SEC63: variants seen among roughly 807,000 people sequenced by gnomAD.
SEC63 encodes the protein translocation protein SEC63 homolog.
A neutral mutation model predicts 116.2 loss-of-function variants in SEC63; 56 were observed. The ratio of observed to expected loss-of-function variants is 0.48; its 90% CI spans 0.39 to 0.60. The LOEUF is 0.60. Ranked by LOEUF, SEC63 falls within the 20% of genes least tolerant of loss-of-function variation. The pLI, the probability that SEC63 is intolerant of heterozygous loss-of-function variation, is 0.00. For missense variants in SEC63, 668 were observed against 900.0 expected, an observed-to-expected ratio of 0.74 and a Z score of 3.30; for synonymous variants, 273 against 294.6, an observed-to-expected ratio of 0.93 and a Z score of 0.75.
At chr6:107,911,598 A>G (rs1288197060) in intron 6 of SEC63, among the ~76,000 whole-genome samples, 1 of 152,176 alleles carries the variant, frequency 6.6e-6, no homozygotes, top group Admixed American at 6.5e-5. Context: ...TGCAGTACAC[A>G]TGGGTTACAT....
intron 13 of SEC63, among the ~76,000 whole-genome samples, chr6:107,899,493 A>T (rs1234998802): frequency 1.3e-5 from 2 of 152,142 alleles, no homozygotes; most frequent in Non-Finnish European, 2.9e-5. Flanking sequence ...AGGTGGGTGA[A>T]TCACCTGAGG....
intron 1 of SEC63, among the ~76,000 whole-genome samples, chr6:107,930,723 C>T (rs922026780): frequency 4.0e-5 from 6 of 151,252 alleles, no homozygotes; most frequent in South Asian, 4.2e-4. Context: ...GGTCAGGCAC[C>T]GTGGCTCACC....
chr6:107,930,783 T>G (rs1178933676), intron 1 of SEC63, among the ~76,000 whole-genome samples: 1 of 147,216 alleles, frequency 6.8e-6, no homozygotes, highest in Non-Finnish European at 1.5e-5. Context: ...TCACCTGAGG[T>G]CAGAAGTTAA....
At chr6:107,905,849 A>C (rs1206373546) in intron 10 of SEC63, among the ~76,000 whole-genome samples, 1 of 60,108 alleles carries the variant, frequency 1.7e-5, no homozygotes, top group Non-Finnish European at 5.3e-5. Flanking sequence ...AACACTTGCC[A>C]AAACGTCTGA....
intron 19 of SEC63, among the ~76,000 whole-genome samples, chr6:107,874,936 G>C (rs1227361086): frequency 6.6e-6 from 1 of 152,338 alleles, no homozygotes; most frequent in East Asian, 1.9e-4. Context: ...TCTGAATACA[G>C]ACTGCGTATT....
intron 10 of SEC63, among the ~76,000 whole-genome samples, 154 bp downstream of exon 10, chr6:107,906,294 A>G (rs760034301): frequency 3.6e-4 from 55 of 152,350 alleles, no homozygotes; most frequent in Non-Finnish European, 1.3e-4. Context: ...CCATCAGAAC[A>G]ATGAGCCAAT....
At chr6:107,941,759 T>TAGAG (rs1023015677) in intron 1 of SEC63, among the ~76,000 whole-genome samples, 1 of 152,216 alleles carries the variant, frequency 6.6e-6, no homozygotes, top group Admixed American at 6.5e-5. Flanking sequence ...TTCACTCAAT[T>TAGAG]AGAGGGCTGC....
intron 18 of SEC63, among the ~76,000 whole-genome samples, chr6:107,879,039 A>G (rs796666678): frequency 1.1e-4 from 17 of 152,330 alleles, no homozygotes; most frequent in African/African-American, 3.6e-4. Flanking sequence ...CAATAGACGA[A>G]TTTCACTAAC....
intron 3 of SEC63, among the ~76,000 whole-genome samples, chr6:107,924,452 C>T (rs1434751809): frequency 6.9e-6 from 1 of 145,962 alleles, no homozygotes; most frequent in African/African-American, 2.6e-5. Context: ...ATGGCGGGCG[C>T]CTACCTGGGA....
At chr6:107,948,824 C>A (rs1435237090) in intron 1 of SEC63, among the ~76,000 whole-genome samples, 2 of 152,188 alleles carry the variant, frequency 1.3e-5, no homozygotes, top group East Asian at 3.8e-4. Flanking sequence ...AGACCCTTCA[C>A]AAGATAATGT....
intron 19 of SEC63, among the ~76,000 whole-genome samples, chr6:107,874,430 T>TA (rs1038039301): frequency 1.3e-5 from 2 of 151,564 alleles, no homozygotes; most frequent in African/African-American, 4.8e-5. Flanking sequence ...CCGTCTCTAC[T>TA]AAAAAAATAT....
At chr6:107,880,807 A>G (rs1046719514) in intron 18 of SEC63, among the ~76,000 whole-genome samples, 15 of 152,182 alleles carry the variant, frequency 9.9e-5, no homozygotes, top group Non-Finnish European at 7.4e-5. Flanking sequence ...CATAATAGTT[A>G]AGTATTCAAA....
At chr6:107,957,773 C>G in intron 1 of SEC63, 113 bp downstream of exon 1, 1 of 1,172,254 alleles carries the variant, frequency 8.5e-7, no homozygotes, top group Non-Finnish European at 1.1e-6. Context: ...CGGGCCGCAC[C>G]GTCCCTGTCA....
chr6:107,897,859 T>C lies in SEC63; in HGVS notation c.1358-128A>G, dbSNP rs9373986. The C allele has an allele frequency of 0.12, 80,484 of 699,750 alleles. 5,112 individuals are homozygous for C. The highest frequency in any genetic ancestry group is 0.23 in the East Asian group (8,795 of 37,428). The allele number at this position is 699,750 out of a possible 1,614,324, so 43.3% of individuals were successfully genotyped here. On this transcript the variant is annotated intron_variant, in intron 13 of 20. Coordinates refer to ENST00000369002, the MANE Select transcript of SEC63 (RefSeq NM_007214.5). ...ATTTCAAGCATATTATATTTTAAATTTGTTAAAAAAATAACTGATTGACTA... is the reference window on the plus strand; with the variant it reads ...ATTTCAAGCATATTATATTTTAAATCTGTTAAAAAAATAACTGATTGACTA...
In SEC63 at chr6:107,893,518, T is replaced by C. The variant is rs1222595204; in HGVS notation, c.1638A>G (p.Gln546=). ...CTCCATTTGCCTGCTTTTGTTTCTG[T>C]TGCTTTGACTGTGGTAATAGCACAG... The part of the protein sequence containing the change: ...PTPVLLPQSK[Q]QKQKQANGVV... The change falls in exon 16 of 21, where the codon CAA becomes CAG. Residue 546 remains glutamine (Q), a synonymous_variant. Coordinates refer to ENST00000369002, the MANE Select transcript of SEC63 (RefSeq NM_007214.5). The C allele has an allele frequency of 5.6e-6, 9 of 1,613,434 alleles. No homozygotes were observed. The highest frequency in any genetic ancestry group is 7.6e-6 in the Non-Finnish European group (9 of 1,179,944).
chr6:107,925,078 C>T (rs931703373), intron 2 of SEC63, 146 bp from the exon 3 acceptor site: 1 of 683,932 alleles, frequency 1.5e-6, no homozygotes, highest in African/African-American at 1.8e-5. Flanking sequence ...GGGTTACAAA[C>T]TCCTGTTACA....
At chr6:107,896,425 C>G (rs1786831636) in intron 14 of SEC63, among the ~76,000 whole-genome samples, 1 of 152,072 alleles carries the variant, frequency 6.6e-6, no homozygotes. Context: ...AAGATTGCAC[C>G]ACTGCATTCC....
intron 4 of SEC63, among the ~76,000 whole-genome samples, chr6:107,914,410 A>G (rs189210300): frequency 6.6e-6 from 1 of 152,298 alleles, no homozygotes; most frequent in Admixed American, 6.5e-5. Flanking sequence ...CAAAACTCCA[A>G]TCTGAGATAG....
At chr6:107,935,968 T>C (rs1252514640) in intron 1 of SEC63, among the ~76,000 whole-genome samples, 1 of 152,224 alleles carries the variant, frequency 6.6e-6, no homozygotes, top group Non-Finnish European at 1.5e-5. Context: ...GAGAACACTT[T>C]TGAAAATACC....
Sources: gnomAD v4.1 joint callset for allele counts (sites outside exome capture counted in the v4.1 genomes callset) on GRCh38, gnomAD v4.1.1 for gene constraint, MANE v1.5 for transcripts, NCBI Gene and HGNC (gene_info 2026-07-23, HGNC 2026-07-21) for gene names.